The following STIL variants were observed in gnomAD, a reference collection of about 807,000 sequenced individuals.
STIL encodes the protein SCL-interrupting locus protein.
Under a neutral mutation model 110.1 loss-of-function variants are expected in STIL, and 55 were observed. The observed-to-expected ratio is 0.50, with a 90% CI of 0.40 to 0.63. STIL has a LOEUF of 0.63. Ranked by LOEUF, STIL falls within the 20% of genes least tolerant of loss-of-function variation. STIL has a pLI of 0.00. For synonymous variants in STIL, 481 were observed against 530.0 expected (o/e 0.91, Z 1.27); for missense variants, 1,358 against 1,530.0 (o/e 0.89, Z 1.87).
At chr1:47,270,294 A>ACACACACACACAAT in intron 13 of STIL, among the ~76,000 whole-genome samples, 1 of 148,278 alleles carries the variant, frequency 6.7e-6, no homozygotes, top group South Asian at 2.1e-4. Flanking sequence ...ACACACACAC[A>ACACACACACACAAT]ATTACTTAGA....
At chr1:47,279,783 A>G (rs1045112287) in intron 12 of STIL, among the ~76,000 whole-genome samples, 37 of 151,938 alleles carry the variant, frequency 2.4e-4, no homozygotes, top group Admixed American at 2.4e-3. Context: ...GAGGTTCTGA[A>G]AAAAGGGAAC....
intron 3 of STIL, among the ~76,000 whole-genome samples, chr1:47,302,934 A>G (rs1311977314): frequency 6.6e-6 from 1 of 152,120 alleles, no homozygotes; most frequent in African/African-American, 2.4e-5. Context: ...ATTGTATTAT[A>G]CTGTGGGTAA....
chr1:47,280,023 C>T (rs1645112787), intron 12 of STIL, among the ~76,000 whole-genome samples: 1 of 152,138 alleles, frequency 6.6e-6, no homozygotes, highest in African/African-American at 2.4e-5. Context: ...TAAGATGGTT[C>T]TACTACTAAC....
Position 47,295,819 on chromosome 1 carries a change from A to C in STIL, c.731T>G (p.Leu244Trp). Residue 244 changes from leucine (L) to tryptophan (W), a missense_variant, in exon 7 of 17, where the codon TTG (leucine) becomes TGG (tryptophan). Transcript: ENST00000371877. Reference protein sequence around the residue: ...GYLTMDETRKLLLLLESDPKV... With the variant: ...GYLTMDETRKWLLLLESDPKV... The stretch of plus-strand genomic sequence containing the variant: ...GGGATCAGATTCCAACAAAAGTAAC[A>C]ATTTGCGTGTTTCATCCATGGTAAG... 1 of 1,612,994 alleles carries C rather than the reference A, an allele frequency of 6.2e-7. No homozygotes were observed. The highest frequency in any genetic ancestry group is 1.1e-5 in the South Asian group (1 of 91,050).
chr1:47,279,670 A>G (rs375061902), intron 12 of STIL, among the ~76,000 whole-genome samples: 66 of 145,002 alleles, frequency 4.6e-4, no homozygotes, highest in Admixed American at 1.7e-3. Context: ...CGGAGGTTGC[A>G]GTGAGCCAAG....
rs1467831557 is a variant in STIL, at chr1:47,250,477, T to C, written c.*659A>G. The C allele has an allele frequency of 6.0e-6, 1 of 165,602 alleles. No homozygotes were observed. Among genetic ancestry groups the C allele is most frequent in the Non-Finnish European group, 1.3e-5 (1 of 75,646 alleles). The allele number at this position is 165,602 out of a possible 1,614,324, so 10.3% of individuals were successfully genotyped here. A position where few individuals can be genotyped will look rare whatever the true frequency, so the allele number is the denominator to read the frequency against. ...CAACACCATGATAACTTATGTTCTT[T>C]TAATGATATAGGATAAATGCAGAGA... On this transcript the variant is annotated 3_prime_UTR_variant, in exon 17 of 17. Transcript: ENST00000371877.
At chr1:47,268,406 A>T (rs1349496236) in intron 14 of STIL, among the ~76,000 whole-genome samples, 3 of 152,120 alleles carry the variant, frequency 2.0e-5, no homozygotes, top group Non-Finnish European at 4.4e-5. Flanking sequence ...AGACAGTGCC[A>T]TTGCACTCCA....
At chr1:47,262,880 T>C (rs746934337) in intron 15 of STIL, 23 bp downstream of exon 15, 15 of 1,608,544 alleles carry the variant, frequency 9.3e-6, no homozygotes, top group East Asian at 2.2e-5. Context: ...CTCAAAAAGA[T>C]GAAATGCTCT....
Position 47,301,463 on chromosome 1 carries a change from G to A in STIL, c.453+98C>T, listed in dbSNP as rs56248008. On this transcript the variant is annotated intron_variant, in intron 5 of 16. Transcript: ENST00000371877. Reference sequence around the variant, plus strand: ...TTCACAATAATTCAACCAAATTATTGTAAATCATTCTCAAATATGGTTTTA... The same window carrying A: ...TTCACAATAATTCAACCAAATTATTATAAATCATTCTCAAATATGGTTTTA... 6.4e-4 allele frequency: 849 copies of A among 1,327,838 alleles called. 1 individual carries two copies. The highest frequency in any genetic ancestry group is 8.5e-4 in the Non-Finnish European group (798 of 940,364). 82.3% of individuals were successfully genotyped at this position (1,327,838 alleles called of 1,614,324 possible). A position where few individuals can be genotyped will look rare whatever the true frequency, so the allele number is the denominator to read the frequency against.
In STIL at chr1:47,251,442, C is replaced by T; in HGVS notation, c.3561G>A (p.Val1187=). The change falls in exon 17 of 17, where the codon GTG becomes GTA. Residue 1187 remains valine, a synonymous_variant. Transcript: ENST00000371877. ...EIINCSNCES[V]GTNADTPVLR... is the part of the protein sequence containing the mutation. ...ATACTGGCGTATCTGCGTTGGTCCC[C>T]ACAGATTCACAGTTAGAACAATTAA... is the stretch of plus-strand genomic sequence containing the variant. 6.2e-7 allele frequency: 1 copy of T among 1,614,192 alleles called. No homozygotes were observed. Among genetic ancestry groups the T allele is most frequent in the Non-Finnish European group, 8.5e-7 (1 of 1,180,030 alleles).
rs549804141 is a variant in STIL, at chr1:47,280,995, A to G, written c.1463T>C (p.Ile488Thr). 6 of 1,614,074 alleles carry G rather than the reference A, an allele frequency of 3.7e-6. No homozygotes were observed. The African/African-American group carries it at 4.0e-5, about 11-fold the overall frequency. The change falls in exon 12 of 17, where the codon ATA (isoleucine) becomes ACA (threonine). Residue 488 changes from isoleucine (I) to threonine (T), a missense_variant. Transcript: ENST00000371877. The part of the protein sequence containing the change: ...VEAGEPSLRG[I>T]PNQLNQDKPA... The stretch of plus-strand genomic sequence containing the variant: ...TTTATCCTGGTTTAACTGATTTGGT[A>G]TTCCTCTCAAGGAAGGCTCTCCAGC...
At chr1:47,309,538 A>G (rs1646062303) in intron 2 of STIL, among the ~76,000 whole-genome samples, 2 of 152,308 alleles carry the variant, frequency 1.3e-5, no homozygotes, top group African/African-American at 2.4e-5. Context: ...TATCTTCATC[A>G]AGAACATCTG....
intron 1 of STIL, among the ~76,000 whole-genome samples, chr1:47,312,431 C>T (rs763563172): frequency 2.1e-4 from 32 of 150,788 alleles, no homozygotes; most frequent in Non-Finnish European, 4.3e-4. Flanking sequence ...CCAGCCTGGG[C>T]AACAGAGCGA....
rs1644162551 is a variant in STIL at position 47,250,791 on chromosome 1, C to T, written c.*345G>A. On this transcript the variant is annotated 3_prime_UTR_variant, in exon 17 of 17. Transcript: ENST00000371877. ...TGAGATCCTGCCATTGCACTCCAGCCTGGGCTACAAGAGCAAAACTCCGTC... is the reference window on the plus strand; with the variant it reads ...TGAGATCCTGCCATTGCACTCCAGCTTGGGCTACAAGAGCAAAACTCCGTC... The T allele has an allele frequency of 4.7e-6, 1 of 214,592 alleles. No individual in the cohort carries two copies. The highest frequency in any genetic ancestry group is 2.3e-5 in the African/African-American group (1 of 43,492). The allele number at this position is 214,592 out of a possible 1,614,324, so 13.3% of individuals were successfully genotyped here.
rs917886106 is a variant in STIL at position 47,295,955 on chromosome 1, T to C, written c.702-107A>G. 17 of 831,690 alleles carry C rather than the reference T, an allele frequency of 2.0e-5. No individual in the cohort carries two copies. In the African/African-American group the frequency reaches 2.7e-4, roughly 13 times the overall value. 51.5% of individuals were successfully genotyped at this position (831,690 alleles called of 1,614,324 possible). Reference sequence around the variant, plus strand: ...CTTTAGAAAGGGGAGATAATTCAAATGAACGTTGTCTTGCACACACAAAAG... The same window carrying C: ...CTTTAGAAAGGGGAGATAATTCAAACGAACGTTGTCTTGCACACACAAAAG... On this transcript the variant is annotated intron_variant, in intron 6 of 16. Transcript: ENST00000371877.
At position 47,264,425 on chromosome 1, in the gene STIL, A is replaced by T. The variant is rs151299920; in HGVS notation, c.2616-1309T>A. On this transcript the variant is annotated intron_variant, in intron 14 of 16. Transcript: ENST00000371877. Reference sequence around the variant, plus strand: ...CAAAAGATTTAAGATTAAATAAAAAATTTTAAAATGCTTCTAATATGCCAA... The same window carrying T: ...CAAAAGATTTAAGATTAAATAAAAATTTTTAAAATGCTTCTAATATGCCAA... 2.5e-3 allele frequency among the ~76,000 whole-genome samples: 387 copies of T among 152,368 alleles called. 4 individuals carry two copies. The highest frequency in any genetic ancestry group is 8.9e-3 in the African/African-American group (372 of 41,596).
intron 16 of STIL, among the ~76,000 whole-genome samples, chr1:47,254,961 G>C (rs1290867839): frequency 1.3e-5 from 2 of 152,088 alleles, no homozygotes; most frequent in Non-Finnish European, 2.9e-5. Flanking sequence ...TTTGGAGGGT[G>C]GGCTAGGGGC....
chr1:47,296,742 A>G (rs868679612), intron 6 of STIL, among the ~76,000 whole-genome samples: 1 of 152,116 alleles, frequency 6.6e-6, no homozygotes, highest in Non-Finnish European at 1.5e-5. Context: ...TGAACCCAGG[A>G]AGCAGAGGTT....
intron 8 of STIL, among the ~76,000 whole-genome samples, chr1:47,291,380 A>AAATT (rs1374306257): frequency 6.6e-6 from 1 of 151,714 alleles, no homozygotes; most frequent in Admixed American, 6.6e-5. Flanking sequence ...AAGTAAAATA[A>AAATT]AATAAATAAA....
Sources: gnomAD v4.1 joint callset for allele counts (sites outside exome capture counted in the v4.1 genomes callset) on GRCh38, gnomAD v4.1.1 for gene constraint, MANE v1.5 for transcripts, NCBI Gene and HGNC (gene_info 2026-07-23, HGNC 2026-07-21) for gene names.